Variants in FAT3 observed in about 807,000 individuals in gnomAD.
FAT3 encodes FAT atypical cadherin 3, also known as protocadherin Fat 3.
In FAT3, 95 loss-of-function variants were observed where a neutral mutation model predicts 310.2. That is an observed-to-expected ratio of 0.31 (90% CI 0.26 to 0.36). The LOEUF is 0.36. Ranked by LOEUF, FAT3 falls within the 10% of genes least tolerant of loss-of-function variation. The pLI is 1.00. For missense variants in FAT3, 5,408 were observed against 5,715.6 expected (o/e 0.95, Z 1.74); for synonymous variants, 2,314 against 2,192.9 (o/e 1.06, Z -1.54).
At chr11:92,303,020 T>C (rs941043997) in intron 1 of FAT3, among the ~76,000 whole-genome samples, 10 of 152,096 alleles carry the variant, frequency 6.6e-5, no homozygotes, top group Non-Finnish European at 1.5e-4. Context: ...TGCTCCGACC[T>C]CATTAGAGTT....
intron 13 of FAT3, among the ~76,000 whole-genome samples, chr11:92,812,581 C>CA (rs1032046502): frequency 0.012 from 1,082 of 90,350 alleles, 16 homozygotes; most frequent in African/African-American, 0.039. Flanking sequence ...GACTCCATCT[C>CA]AAAAAAAAAA....
intron 2 of FAT3, among the ~76,000 whole-genome samples, chr11:92,514,172 G>C (rs1953400526): frequency 6.6e-6 from 1 of 152,044 alleles, no homozygotes; most frequent in Non-Finnish European, 1.5e-5. Context: ...AATAATTAAA[G>C]TTCAGTCTGT....
Position 92,781,833 on chromosome 11 carries a change from ATGTT to A in FAT3, c.4335+7659_4335+7662del, listed in dbSNP as rs1188134808. 7.2e-5 allele frequency among the ~76,000 whole-genome samples: 11 copies of A among 152,286 alleles called. No individual in the cohort carries two copies. The East Asian group carries it at 2.1e-3, about 29-fold the overall frequency. Reference sequence around the variant, plus strand: ...TGCTAGACACATACAGACTTTATTAATGTTTGTTTCTCAACTTAAAATTAGCTAT... The same window carrying A: ...TGCTAGACACATACAGACTTTATTAATGTTTCTCAACTTAAAATTAGCTAT... On this transcript the variant is annotated intron_variant, in intron 7 of 27. Transcript: ENST00000525166.
intron 4 of FAT3, among the ~76,000 whole-genome samples, chr11:92,751,936 T>C (rs1438310769): frequency 6.6e-6 from 1 of 151,992 alleles, no homozygotes; most frequent in Non-Finnish European, 1.5e-5. Flanking sequence ...GAAATGGCAA[T>C]GCCTACAGGA....
At chr11:92,545,234 T>C (rs1437906398) in intron 3 of FAT3, among the ~76,000 whole-genome samples, 1 of 152,200 alleles carries the variant, frequency 6.6e-6, no homozygotes, top group Non-Finnish European at 1.5e-5. Context: ...AGATCTTCCT[T>C]GGTTACCCAA....
chr11:92,662,324 G>C (rs148546588), intron 3 of FAT3, among the ~76,000 whole-genome samples: 83 of 152,272 alleles, frequency 5.5e-4, no homozygotes, highest in Non-Finnish European at 1.0e-3. Flanking sequence ...ACTTGTTTCT[G>C]CATTTCTAAT....
chr11:92,801,115 C>T lies in FAT3; in HGVS notation c.8102C>T (p.Pro2701Leu), dbSNP rs1376467420. 2 of 1,613,948 alleles carry T rather than the reference C, an allele frequency of 1.2e-6. No individual in the cohort carries two copies. The highest frequency in any genetic ancestry group is 1.7e-6 in the Non-Finnish European group (2 of 1,179,882). Residue 2701 changes from proline to leucine, a missense_variant, in exon 10 of 28, where the codon CCT becomes CTT. Pro to Leu is a moderately conservative substitution (Grantham distance 98). This residue lies in a region of FAT3 where 4,588 missense variants were observed against 4,809.8 expected (regional missense o/e 0.95). Coordinates refer to ENST00000525166, the MANE Select transcript of FAT3 (RefSeq NM_001367949.2). ...CCTGTCTATATCCACGTCTTGCCCC[C>T]TGAAACGTTCTTGCCATCATTCACC... ...LIPVYIHVLPPETFLPSFTQS... is the reference protein window; with the variant it reads ...LIPVYIHVLPLETFLPSFTQS...
rs1944514307 is a variant in FAT3, at chr11:92,711,307, C to A, written c.3669+13862C>A. On this transcript the variant is annotated intron_variant, in intron 4 of 27. Coordinates refer to ENST00000525166, the MANE Select transcript of FAT3 (RefSeq NM_001367949.2). ...TAATATATTTACATTCAATATGTTA[C>A]TTTTTTCCATTGCATGGGATCTCAT... Among the ~76,000 whole-genome samples the A allele has an allele frequency of 2.0e-5, 3 of 151,980 alleles. No homozygotes were observed. The South Asian group carries it at 6.2e-4, about 32-fold the overall frequency.
At chr11:92,439,701 A>G (rs915133307) in intron 2 of FAT3, among the ~76,000 whole-genome samples, 8 of 152,122 alleles carry the variant, frequency 5.3e-5, no homozygotes, top group Non-Finnish European at 1.0e-4. Context: ...GGATCCATTG[A>G]GCCCAGGAGT....
intron 2 of FAT3, among the ~76,000 whole-genome samples, chr11:92,461,774 T>C (rs1951644005): frequency 6.6e-6 from 1 of 152,180 alleles, no homozygotes; most frequent in South Asian, 2.1e-4. Flanking sequence ...TGAAGGTTAA[T>C]GTTAGATGTT....
intron 3 of FAT3, among the ~76,000 whole-genome samples, chr11:92,662,897 G>C (rs1158499204): frequency 6.6e-6 from 1 of 152,186 alleles, no homozygotes; most frequent in African/African-American, 2.4e-5. Flanking sequence ...AAAGAATGTT[G>C]TATGCTGTAA....
chr11:92,696,102 T>G lies in FAT3; in HGVS notation c.3608-1282T>G, dbSNP rs556370029. ...TATGCTTGAATCATAAGCTCATTTT[T>G]TACTATATATATATATACCATGTGT... On this transcript the variant is annotated intron_variant, in intron 3 of 27. Transcript: ENST00000525166. 5.0e-5 allele frequency among the ~76,000 whole-genome samples: 7 copies of G among 140,458 alleles called. No individual in the cohort carries two copies. The East Asian group carries it at 1.4e-3, about 28-fold the overall frequency. The allele number at this position is 140,458 out of a possible 152,430, so 92.1% of individuals were successfully genotyped here.
chr11:92,417,967 T>G (rs2134963037), intron 2 of FAT3, among the ~76,000 whole-genome samples: 1 of 152,254 alleles, frequency 6.6e-6, no homozygotes, highest in South Asian at 2.1e-4. Context: ...GCTTAATGAA[T>G]TCCTGTTGAG....
chr11:92,497,806 G>A (rs1054078871), intron 2 of FAT3, among the ~76,000 whole-genome samples: 1 of 152,032 alleles, frequency 6.6e-6, no homozygotes, highest in Non-Finnish European at 1.5e-5. Context: ...CTACAGCCCA[G>A]CAATTAGATG....
chr11:92,306,957 T>G (rs1947158058), intron 1 of FAT3, among the ~76,000 whole-genome samples: 1 of 145,734 alleles, frequency 6.9e-6, no homozygotes, highest in African/African-American at 2.6e-5. Flanking sequence ...TGTCCGGCTA[T>G]TTTTTTTTTA....
At chr11:92,238,032 A>T (rs10830892) in intron 1 of FAT3, among the ~76,000 whole-genome samples, 16,410 of 152,128 alleles carry the variant, frequency 0.11, 946 homozygotes, top group African/African-American at 0.14. Context: ...GGTGACAAAG[A>T]TAGGGTTAGG....
chr11:92,872,634 A>C (rs1286663982), intron 22 of FAT3, among the ~76,000 whole-genome samples: 1 of 152,230 alleles, frequency 6.6e-6, no homozygotes, highest in Admixed American at 6.5e-5. Flanking sequence ...GCAGATACAT[A>C]CTAGAAGGTG....
intron 2 of FAT3, among the ~76,000 whole-genome samples, chr11:92,460,606 GC>G (rs1951611838): frequency 6.6e-6 from 1 of 152,196 alleles, no homozygotes; most frequent in African/African-American, 2.4e-5. Flanking sequence ...ATCTGTGCAT[GC>G]TTGCAGCCCA....
chr11:92,513,803 G>A (rs1412008133), intron 2 of FAT3, among the ~76,000 whole-genome samples: 1 of 152,106 alleles, frequency 6.6e-6, no homozygotes, highest in African/African-American at 2.4e-5. Context: ...TGGCCTCAGA[G>A]TCTCTAATAA....
Sources: allele counts gnomAD v4.1 joint callset (sites outside exome capture counted in the v4.1 genomes callset), GRCh38; gene constraint gnomAD v4.1.1; regional missense constraint gnomAD v4.1.1; transcripts MANE v1.5; gene names NCBI Gene and HGNC (gene_info 2026-07-23, HGNC 2026-07-21).